FBN2: variants seen among roughly 807,000 people sequenced by gnomAD.
FBN2 encodes the protein fibrillin 2, also known as fibrillin-2.
FBN2 carries 105 observed loss-of-function variants against 355.6 expected under a neutral mutation model. The observed-to-expected ratio is 0.30, with a 90% CI of 0.25 to 0.35. The LOEUF is 0.35. FBN2 is among the 10% of genes least tolerant of loss of function. The pLI, the probability that FBN2 is intolerant of heterozygous loss-of-function variation, is 1.00. For missense variants in FBN2, 3,280 were observed against 3,758.7 expected, an observed-to-expected ratio of 0.87 and a Z score of 3.33; for synonymous variants, 1,350 against 1,301.2, an observed-to-expected ratio of 1.04 and a Z score of -0.81.
chr5:128,491,535 C>A (rs1367249467), intron 5 of FBN2, among the ~76,000 whole-genome samples: 1 of 152,184 alleles, frequency 6.6e-6, no homozygotes, highest in African/African-American at 2.4e-5. Flanking sequence ...GCTTGTCATT[C>A]ACACTACCAC....
intron 7 of FBN2, among the ~76,000 whole-genome samples, chr5:128,438,842 G>C (rs1184060874): frequency 6.6e-6 from 1 of 151,996 alleles, no homozygotes; most frequent in African/African-American, 2.4e-5. Context: ...CAAAAACTTA[G>C]GTTAGGGCAC....
intron 31 of FBN2, among the ~76,000 whole-genome samples, chr5:128,333,839 TCA>T (rs368334500): frequency 0.014 from 1,689 of 122,816 alleles, 30 homozygotes; most frequent in African/African-American, 0.038. Flanking sequence ...GATGCTGAAA[TCA>T]CACACACACA....
At chr5:128,523,756 C>T (rs1454903095) in intron 4 of FBN2, among the ~76,000 whole-genome samples, 1 of 151,802 alleles carries the variant, frequency 6.6e-6, no homozygotes, top group African/African-American at 2.4e-5. Flanking sequence ...CTCTCCTTGT[C>T]ACTTTTGATT....
In FBN2 at chr5:128,536,465, T is replaced by G; in HGVS notation, c.274A>C (p.Arg92=). The part of the protein sequence containing the change: ...VLRGPNVCGS[R]FHSYCCPGWK... The stretch of plus-strand genomic sequence containing the variant: ...CCAGGGCAGCAGTAGGAGTGGAATC[T>G]GGAGCCGCACACGTTGGGCCTGTGA... Residue 92 remains arginine (R), a synonymous_variant, in exon 2 of 65, where the codon AGA becomes CGA. Coordinates refer to ENST00000262464, the MANE Select transcript of FBN2 (RefSeq NM_001999.4). 1 of 1,613,948 alleles carries G rather than the reference T, an allele frequency of 6.2e-7. No homozygotes were observed. The highest frequency in any genetic ancestry group is 2.2e-5 in the East Asian group (1 of 44,872).
chr5:128,481,302 T>C (rs1307927349), intron 5 of FBN2, among the ~76,000 whole-genome samples: 1 of 152,228 alleles, frequency 6.6e-6, no homozygotes, highest in African/African-American at 2.4e-5. Flanking sequence ...TAGCCTTTAT[T>C]CCAGCAGTAC....
chr5:128,465,906 C>G (rs1311235848), intron 5 of FBN2, among the ~76,000 whole-genome samples: 2 of 152,144 alleles, frequency 1.3e-5, no homozygotes. Context: ...CCCACTAACC[C>G]AGGTTCTGCA....
rs1765389228 is a variant in FBN2, at chr5:128,276,108, G to A, written c.7524C>T (p.Asn2508=). 1 of 1,613,620 alleles carries A rather than the reference G, an allele frequency of 6.2e-7. No homozygotes were observed. The highest frequency in any genetic ancestry group is 1.3e-5 in the African/African-American group (1 of 74,912). Residue 2508 remains asparagine, a synonymous_variant, in exon 59 of 65, where the codon AAC becomes AAT. Coordinates refer to ENST00000262464, the MANE Select transcript of FBN2 (RefSeq NM_001999.4). ...SPKPCNYICK[N]TEGSYQCSCP... ...ATGAACACTGATAACTCCCCTCAGT[G>A]TTCTTGCAGATGTAGTTGCATGGTT...
intron 5 of FBN2, among the ~76,000 whole-genome samples, chr5:128,497,514 T>C (rs1166448322): frequency 6.6e-6 from 1 of 152,190 alleles, no homozygotes; most frequent in African/African-American, 2.4e-5. Context: ...CTCAAGAAAG[T>C]GGCCTGAACC....
chr5:128,336,999 G>A lies in FBN2; in HGVS notation c.3599-886C>T, dbSNP rs116742758. ...AAATATATATTTTATATTCTGCATT[G>A]TTCCTTTGGGGGATACGTTTTTAAG... On this transcript the variant is annotated intron_variant, in intron 27 of 64. Transcript: ENST00000262464. Among the ~76,000 whole-genome samples the A allele has an allele frequency of 9.9e-3, 1,507 of 152,152 alleles. 24 individuals are homozygous for A. The highest frequency in any genetic ancestry group is 0.034 in the African/African-American group (1,420 of 41,492).
rs114245260 is a variant in FBN2, at chr5:128,532,814, G to A, written c.338-2121C>T. Among the ~76,000 whole-genome samples the A allele has an allele frequency of 8.9e-4, 135 of 152,258 alleles. 2 individuals are homozygous for A. The South Asian group carries it at 9.3e-3, about 11-fold the overall frequency. On this transcript the variant is annotated intron_variant, in intron 2 of 64. Transcript: ENST00000262464. Reference sequence around the variant, plus strand: ...TAATCCCAGCACCTTGGGAGCCTTAGGCAAATGGATCACTTGAGCCTAGAA... The same window carrying A: ...TAATCCCAGCACCTTGGGAGCCTTAAGCAAATGGATCACTTGAGCCTAGAA...
chr5:128,358,398 A>G (rs1355242205), intron 19 of FBN2, among the ~76,000 whole-genome samples: 2 of 152,122 alleles, frequency 1.3e-5, no homozygotes, highest in African/African-American at 4.8e-5. Context: ...TCACAAGAAT[A>G]CTTTTTCTTT....
In FBN2 at chr5:128,287,374, A is replaced by G; in HGVS notation, c.6814T>C (p.Phe2272Leu). Residue 2272 changes from phenylalanine (F) to leucine (L), a missense_variant, in exon 54 of 65, where the codon TTT (phenylalanine) becomes CTT (leucine). Coordinates refer to ENST00000262464, the MANE Select transcript of FBN2 (RefSeq NM_001999.4). ...LLCAFRCMNT[F>L]GSYECTCPIG... Reference sequence around the variant, plus strand: ...GGGCACGTGCATTCATAGGACCCAAAAGTGTTCATGCAGCGGAAAGCACAC... The same window carrying G: ...GGGCACGTGCATTCATAGGACCCAAGAGTGTTCATGCAGCGGAAAGCACAC... The G allele has an allele frequency of 6.2e-7, 1 of 1,614,044 alleles. No homozygotes were observed. Among genetic ancestry groups the G allele is most frequent in the Non-Finnish European group, 8.5e-7 (1 of 1,179,924 alleles).
At chr5:128,485,864 C>T (rs1353603072) in intron 5 of FBN2, among the ~76,000 whole-genome samples, 1 of 152,048 alleles carries the variant, frequency 6.6e-6, no homozygotes, top group Non-Finnish European at 1.5e-5. Context: ...CTTGAAGTGG[C>T]CTTTATTATA....
In FBN2 at chr5:128,335,281, C is replaced by T. The variant is rs371512923; in HGVS notation, c.3862G>A (p.Glu1288Lys). 43 of 1,614,044 alleles carry T rather than the reference C, an allele frequency of 2.7e-5. No individual in the cohort carries two copies. The African/African-American group carries it at 4.4e-4, about 17-fold the overall frequency. ...CCATCACAGATATCAGGATTGTTTT[C>T]ACATTCATCAATGTCTGATGATACA... ...GRSCADIDEC[E>K]NNPDICDGGQ... is the part of the protein sequence containing the mutation. Residue 1288 changes from glutamate (E) to lysine (K), a missense_variant, in exon 30 of 65, where the codon GAA becomes AAA. Physicochemically the swap from Glu to Lys is moderately conservative, Grantham distance 56. This residue lies in a region of FBN2 where 2,284 missense variants were observed against 2,749.5 expected (regional missense o/e 0.83). Coordinates refer to ENST00000262464, the MANE Select transcript of FBN2 (RefSeq NM_001999.4).
Position 128,335,552 on chromosome 5 carries a change from G to A in FBN2, c.3750C>T (p.Asn1250=), listed in dbSNP as rs750559514. 1.9e-5 allele frequency: 30 copies of A among 1,613,908 alleles called. No individual in the cohort carries two copies. The South Asian group carries it at 1.9e-4, about 10-fold the overall frequency. ...TTGTGCACTGGGTGTCACAGCCTCC[G>A]TTCATTATCATACATTCATCAATAT... The part of the protein sequence containing the change: ...CTDIDECMIM[N]GGCDTQCTNS... Residue 1250 remains asparagine (N), a synonymous_variant, in exon 29 of 65, where the codon AAC becomes AAT. Coordinates refer to ENST00000262464, the MANE Select transcript of FBN2 (RefSeq NM_001999.4).
intron 48 of FBN2, among the ~76,000 whole-genome samples, chr5:128,298,201 G>A (rs6890219): frequency 0.044 from 6,700 of 151,538 alleles, 503 homozygotes; most frequent in African/African-American, 0.15. Context: ...TCTGCCGAGA[G>A]ATCCGCTGTT....
chr5:128,328,639 G>C, intron 34 of FBN2, 57 bp downstream of exon 34: 1 of 1,598,990 alleles, frequency 6.3e-7, no homozygotes, highest in Non-Finnish European at 8.6e-7. Flanking sequence ...CCTTGTTGTG[G>C]TTTCATTTAC....
intron 51 of FBN2, 130 bp from the exon 52 acceptor site, chr5:128,289,382 G>C: frequency 1.6e-5 from 14 of 889,512 alleles, no homozygotes; most frequent in East Asian, 2.5e-5. Flanking sequence ...TCAGGAGCTT[G>C]AGACCAGCCT....
intron 32 of FBN2, 85 bp from the exon 33 acceptor site, chr5:128,330,780 T>G (rs1005557768): frequency 1.1e-5 from 15 of 1,424,006 alleles, no homozygotes; most frequent in African/African-American, 1.4e-5. Flanking sequence ...AATTTACATA[T>G]AAACTGGATA....
Sources: allele counts gnomAD v4.1 joint callset (sites outside exome capture counted in the v4.1 genomes callset), GRCh38; gene constraint gnomAD v4.1.1; regional missense constraint gnomAD v4.1.1; transcripts MANE v1.5; gene names NCBI Gene and HGNC (gene_info 2026-07-23, HGNC 2026-07-21).